Variants in SMAD2 observed in about 807,000 individuals in gnomAD.
SMAD2 encodes MAD homolog 2.
A neutral mutation model predicts 64.4 loss-of-function variants in SMAD2; 8 were observed. The ratio of observed to expected loss-of-function variants is 0.12; its 90% confidence interval spans 0.07 to 0.22. SMAD2 has a LOEUF of 0.22. Among genes scored for constraint, SMAD2 ranks in the 10% least tolerant of loss-of-function variants. The pLI, the probability that SMAD2 is intolerant of heterozygous loss-of-function variation, is 1.00. For missense variants in SMAD2, 289 were observed against 561.2 expected, an observed-to-expected ratio of 0.51 and a Z score of 4.90; for synonymous variants, 203 against 195.8, an observed-to-expected ratio of 1.04 and a Z score of -0.31.
rs1913051506 is a variant in SMAD2 at position 47,832,763 on chromosome 18, A to G, written c.*9064T>C. 1 of 152,230 alleles carries G rather than the reference A, an allele frequency of 6.6e-6. No homozygotes were observed. Among genetic ancestry groups the G allele is most frequent in the South Asian group, 2.1e-4 (1 of 4,824 alleles). The allele number at this position is 152,230 out of a possible 1,614,324, so 9.4% of individuals were successfully genotyped here. A position where few individuals can be genotyped will look rare whatever the true frequency, so the allele number is the denominator to read the frequency against. ...TTGAAGATGTTTTTGTTTACAGCATAGATCTTATGTATTAGAGCGCTAATG... is the reference window on the plus strand; with the variant it reads ...TTGAAGATGTTTTTGTTTACAGCATGGATCTTATGTATTAGAGCGCTAATG... On this transcript the variant is annotated 3_prime_UTR_variant, in exon 11 of 11. Coordinates refer to ENST00000262160, the MANE Select transcript of SMAD2 (RefSeq NM_005901.6).
rs908026581 is a variant in SMAD2, at chr18:47,811,728, G to A, written c.*30099C>T. The A allele has an allele frequency of 6.6e-6, 1 of 152,134 alleles. No homozygotes were observed. The highest frequency in any genetic ancestry group is 1.5e-5 in the Non-Finnish European group (1 of 68,034). 9.4% of individuals were successfully genotyped at this position (152,134 alleles called of 1,614,324 possible). A position where few individuals can be genotyped will look rare whatever the true frequency, so the allele number is the denominator to read the frequency against. On this transcript the variant is annotated 3_prime_UTR_variant, in exon 11 of 11. Transcript: ENST00000262160. ...TATGAAAGGCAAAGAGCAGGGTGGA[G>A]GAAACATACCATGCATTTCAAGGAA...
In SMAD2 at chr18:47,869,474, TAA is replaced by T. The variant is rs34501809; in HGVS notation, c.327-40_327-39del. 59,738 of 1,051,752 alleles carry T rather than the reference TAA, an allele frequency of 0.057. 73 individuals are homozygous for T. The highest frequency in any genetic ancestry group is 0.085 in the East Asian group (2,933 of 34,670). The allele number at this position is 1,051,752 out of a possible 1,614,324, so 65.2% of individuals were successfully genotyped here. A position where few individuals can be genotyped will look rare whatever the true frequency, so the allele number is the denominator to read the frequency against. ...AAGGGGAAAAGAAAGGAGGGAACTT[TAA>T]AAAAAAAAAAAAAAAAGTGCAGTCA... On this transcript the variant is annotated intron_variant, in intron 3 of 10. Coordinates refer to ENST00000262160, the MANE Select transcript of SMAD2 (RefSeq NM_005901.6).
At chr18:47,875,802 C>G (rs2032230421) in intron 2 of SMAD2, among the ~76,000 whole-genome samples, 1 of 152,002 alleles carries the variant, frequency 6.6e-6, no homozygotes, top group South Asian at 2.1e-4. Flanking sequence ...ATATCAAGCA[C>G]TGTGTAAGAC....
At chr18:47,850,826 ATATATATTATGTATAT>A (rs2090207493) in intron 7 of SMAD2, among the ~76,000 whole-genome samples, 2 of 34,966 alleles carry the variant, frequency 5.7e-5, no homozygotes, top group South Asian at 9.7e-4. Context: ...ATTATATATT[ATATATATTATGTATAT>A]TATATATTAT....
intron 2 of SMAD2, among the ~76,000 whole-genome samples, chr18:47,876,494 T>C (rs1399268027): frequency 2.0e-5 from 3 of 152,044 alleles, no homozygotes; most frequent in Non-Finnish European, 4.4e-5. Context: ...CCCCATCAAC[T>C]GTGTAATGTT....
rs71162900 is a variant in SMAD2, at chr18:47,882,041, C to CTTTTTTTTTTTTTTTTTTTTT, written c.237-11498_237-11478dup. ...CACAGGAATGTACTACCACGCTTGG[C>CTTTTTTTTTTTTTTTTTTTTT]TTTTTTTTTTTTTTTTTTTTTTTTT... is the stretch of plus-strand genomic sequence containing the variant. On this transcript the variant is annotated intron_variant, in intron 2 of 10. Transcript: ENST00000262160. Among the ~76,000 whole-genome samples, 81 of 38,870 alleles carry CTTTTTTTTTTTTTTTTTTTTT rather than the reference C, an allele frequency of 2.1e-3. 12 individuals carry two copies. The highest frequency in any genetic ancestry group is 3.4e-3 in the African/African-American group (34 of 9,918). The allele number at this position is 38,870 out of a possible 152,430, so 25.5% of individuals were successfully genotyped here.
chr18:47,903,155 G>A (rs1040154730), intron 1 of SMAD2, among the ~76,000 whole-genome samples: 2 of 152,150 alleles, frequency 1.3e-5, no homozygotes, highest in African/African-American at 4.8e-5. Context: ...ATGATCCCAA[G>A]AGAGTCTAGA....
At position 47,811,119 on chromosome 18, in the gene SMAD2, AG is replaced by A. The variant is rs1173043182; in HGVS notation, c.*30707del. The A allele has an allele frequency of 6.6e-6, 1 of 152,284 alleles. No individual in the cohort carries two copies. Among genetic ancestry groups the A allele is most frequent in the Non-Finnish European group, 1.5e-5 (1 of 68,096 alleles). 9.4% of individuals were successfully genotyped at this position (152,284 alleles called of 1,614,324 possible). ...ATTAGTTGCTGTCCACTTGGCTTCCAGGAACAGGGTGAAAACTTCAGATCTT... is the reference window on the plus strand; with the variant it reads ...ATTAGTTGCTGTCCACTTGGCTTCCAGAACAGGGTGAAAACTTCAGATCTT... On this transcript the variant is annotated 3_prime_UTR_variant, in exon 11 of 11. Coordinates refer to ENST00000262160, the MANE Select transcript of SMAD2 (RefSeq NM_005901.6).
chr18:47,861,336 A>C (rs2077413175), intron 6 of SMAD2, among the ~76,000 whole-genome samples: 1 of 152,140 alleles, frequency 6.6e-6, no homozygotes, highest in Non-Finnish European at 1.5e-5. Context: ...AAAAACAATC[A>C]AACAAAAAAA....
chr18:47,841,716 G>A lies in SMAD2; in HGVS notation c.*111C>T, dbSNP rs1913970689. ...TTTAATTGATGAGACCTCAAGTGCT[G>A]TTTTCTCTCTTGAACTTTTGGATAG... On this transcript the variant is annotated 3_prime_UTR_variant, in exon 11 of 11. Transcript: ENST00000262160. The A allele has an allele frequency of 3.1e-6, 4 of 1,286,216 alleles. No individual in the cohort carries two copies. Among genetic ancestry groups the A allele is most frequent in the Non-Finnish European group, 4.5e-6 (4 of 893,680 alleles). 79.7% of individuals were successfully genotyped at this position (1,286,216 alleles called of 1,614,324 possible).
chr18:47,866,492 C>T (rs919512292), intron 5 of SMAD2, among the ~76,000 whole-genome samples: 4 of 151,774 alleles, frequency 2.6e-5, no homozygotes, highest in Non-Finnish European at 5.9e-5. Flanking sequence ...AATAAATTAT[C>T]TTCATATACT....
chr18:47,826,041 C>G lies in SMAD2; in HGVS notation c.*15786G>C, dbSNP rs1912742177. On this transcript the variant is annotated 3_prime_UTR_variant, in exon 11 of 11. Transcript: ENST00000262160. The stretch of plus-strand genomic sequence containing the variant: ...CTAGTGCTGTACAGGATAGGCTCAG[C>G]GTTTGGAGAGTGTTAACTTCCAGTC... 1 of 152,188 alleles carries G rather than the reference C, an allele frequency of 6.6e-6. No individual in the cohort carries two copies. The highest frequency in any genetic ancestry group is 6.5e-5 in the Admixed American group (1 of 15,278). 9.4% of individuals were successfully genotyped at this position (152,188 alleles called of 1,614,324 possible).
At chr18:47,871,917 T>C (rs894075630) in intron 2 of SMAD2, among the ~76,000 whole-genome samples, 6 of 152,164 alleles carry the variant, frequency 3.9e-5, no homozygotes, top group Non-Finnish European at 5.9e-5. Flanking sequence ...CAGGAGACTA[T>C]TCTTTGAAAA....
intron 6 of SMAD2, among the ~76,000 whole-genome samples, chr18:47,859,886 T>C (rs942631896): frequency 1.3e-5 from 2 of 152,200 alleles, no homozygotes; most frequent in Non-Finnish European, 2.9e-5. Context: ...GGATCTCACA[T>C]ATATGAAAGG....
rs1913819510 is a variant in SMAD2 at position 47,840,313 on chromosome 18, T to C, written c.*1514A>G. On this transcript the variant is annotated 3_prime_UTR_variant, in exon 11 of 11. Transcript: ENST00000262160. The stretch of plus-strand genomic sequence containing the variant: ...AGGAGTGGTTATTTTCCATTTCTAC[T>C]AAGATGCAAACAAGAAGAAATGTTT... 1 of 232,802 alleles carries C rather than the reference T, an allele frequency of 4.3e-6. No individual in the cohort carries two copies. Among genetic ancestry groups the C allele is most frequent in the Non-Finnish European group, 8.5e-6 (1 of 117,864 alleles). 14.4% of individuals were successfully genotyped at this position (232,802 alleles called of 1,614,324 possible).
chr18:47,855,201 T>C (rs768287041), intron 6 of SMAD2, among the ~76,000 whole-genome samples: 3 of 152,234 alleles, frequency 2.0e-5, no homozygotes, highest in Non-Finnish European at 4.4e-5. Flanking sequence ...AATGACATTA[T>C]TACTTGAGGA....
chr18:47,889,638 G>A (rs931701412), intron 2 of SMAD2, among the ~76,000 whole-genome samples: 1 of 152,042 alleles, frequency 6.6e-6, no homozygotes, highest in Non-Finnish European at 1.5e-5. Context: ...AGGCATGGTG[G>A]CAGGCGCCTG....
rs900482071 is a variant in SMAD2, at chr18:47,828,302, G to A, written c.*13525C>T. 33 of 152,496 alleles carry A rather than the reference G, an allele frequency of 2.2e-4. No individual in the cohort carries two copies. Among genetic ancestry groups the A allele is most frequent in the Non-Finnish European group, 4.2e-4 (29 of 69,716 alleles). 9.4% of individuals were successfully genotyped at this position (152,496 alleles called of 1,614,324 possible). On this transcript the variant is annotated 3_prime_UTR_variant, in exon 11 of 11. Coordinates refer to ENST00000262160, the MANE Select transcript of SMAD2 (RefSeq NM_005901.6). ...CAACCCCCGCCCGGCCAGCTGCCCC[G>A]TTCGGGAGGTGGGGGGCAGCCCCCG...
chr18:47,886,611 A>G (rs138303892), intron 2 of SMAD2, among the ~76,000 whole-genome samples: 4 of 151,896 alleles, frequency 2.6e-5, no homozygotes, highest in African/African-American at 9.7e-5. Flanking sequence ...CTATCTATCT[A>G]TCTAACCATA....
Sources: gnomAD v4.1 joint callset for allele counts (sites outside exome capture counted in the v4.1 genomes callset) on GRCh38, gnomAD v4.1.1 for gene constraint, MANE v1.5 for transcripts, NCBI Gene and HGNC (gene_info 2026-07-23, HGNC 2026-07-21) for gene names.